Variants in PIN4 observed in about 807,000 individuals in gnomAD.
The protein encoded by PIN4 is peptidylprolyl cis/trans isomerase, NIMA-interacting 4, also known as peptidyl-prolyl cis-trans isomerase NIMA-interacting 4.
A neutral mutation model predicts 8.3 loss-of-function variants in PIN4; 3 were observed. The ratio of observed to expected loss-of-function variants is 0.36; its 90% CI spans 0.16 to 0.93. The LOEUF (loss-of-function observed/expected upper bound fraction) is 0.93, where lower values mean the gene tolerates loss of function less well. PIN4 is among the 40% of genes least tolerant of loss of function. The probability of loss-of-function intolerance (pLI) is 0.44; values close to 1 mark genes in which losing one functional copy is unlikely to be tolerated. For missense variants in PIN4, 75 were observed against 100.6 expected, an observed-to-expected ratio of 0.75 and a Z score of 1.09; for synonymous variants, 18 against 32.5, an observed-to-expected ratio of 0.55 and a Z score of 1.52.
chrX:72,211,725 A>C (rs900014331), intron 3 of PIN4, among the ~76,000 whole-genome samples: 2 of 110,668 alleles, frequency 1.8e-5, no homozygotes, highest in African/African-American at 6.6e-5. Context: ...TCTAGGCTGC[A>C]GTGAGCCATG....
intron 3 of PIN4, among the ~76,000 whole-genome samples, chrX:72,245,521 A>G (rs1202998209): frequency 9.0e-6 from 1 of 110,971 alleles, no homozygotes; most frequent in East Asian, 2.8e-4. Flanking sequence ...CTCCCACCCC[A>G]TTTCTAGCTA....
In PIN4 at chrX:72,227,396, C is replaced by T. The variant is rs746807242; in HGVS notation, c.312+30492C>T. Among the ~76,000 whole-genome samples, 2 of 112,040 alleles carry T rather than the reference C, an allele frequency of 1.8e-5. 1 individual carries two copies. Among genetic ancestry groups the T allele is most frequent in the Admixed American group, 1.9e-4 (2 of 10,548 alleles). On this transcript the variant is annotated intron_variant, in intron 3 of 3. Coordinates refer to the PIN4 transcript ENST00000423432. Reference sequence around the variant, plus strand: ...TGAATGGCATTCTAAAAACCACCCTCACCAGGTACTCACTCCAAACTCTTA... The same window carrying T: ...TGAATGGCATTCTAAAAACCACCCTTACCAGGTACTCACTCCAAACTCTTA...
At chrX:72,261,303 A>G (rs2043138956) in intron 3 of PIN4, among the ~76,000 whole-genome samples, 1 of 108,958 alleles carries the variant, frequency 9.2e-6, no homozygotes, top group African/African-American at 3.3e-5. Flanking sequence ...TCAGAAAAAA[A>G]AAAAAAAAAA....
rs1569489748 is a variant in PIN4 at position 72,206,372 on chromosome X, A to C, written c.312+9468A>C. On this transcript the variant is annotated intron_variant, in intron 3 of 3. Coordinates refer to the PIN4 transcript ENST00000423432. ...CTACCTGTACCTTTACCATCTTGCA[A>C]GGTGGTAACATTCACCTTTATACTG... 5 of 1,210,279 alleles carry C rather than the reference A, an allele frequency of 4.1e-6. No homozygotes were observed. The East Asian group carries it at 1.5e-4, about 36-fold the overall frequency.
intron 3 of PIN4, chrX:72,205,044 TAAAGTC>T (rs1485244072): frequency 5.8e-6 from 7 of 1,202,533 alleles, no homozygotes; most frequent in African/African-American, 3.5e-5. Flanking sequence ...TATACAAACT[TAAAGTC>T]AAGAGCATAA....
intron 2 of PIN4, among the ~76,000 whole-genome samples, chrX:72,196,370 C>G (rs1401964464): frequency 9.1e-6 from 1 of 110,378 alleles, no homozygotes; most frequent in Admixed American, 9.6e-5. Context: ...CCCATCTCTA[C>G]TAAAAATACA....
chrX:72,262,822 T>A lies in PIN4; in HGVS notation c.*26T>A, dbSNP rs1420822611. The A allele has an allele frequency of 6.0e-6, 5 of 826,736 alleles. No individual in the cohort carries two copies. In the East Asian group the frequency reaches 1.7e-4, roughly 28 times the overall value. 68.1% of individuals were successfully genotyped at this position (826,736 alleles called of 1,213,427 possible). ...AGTGGATTATTTTGCAGATGGCTGA[T>A]CTCATCTATTCAATGTTGATTCTAT... On this transcript the variant is annotated 3_prime_UTR_variant, in exon 4 of 4. Coordinates refer to the PIN4 transcript ENST00000423432.
At chrX:72,256,979 C>T (rs1479170174) in intron 3 of PIN4, among the ~76,000 whole-genome samples, 1 of 111,933 alleles carries the variant, frequency 8.9e-6, no homozygotes, top group Non-Finnish European at 1.9e-5. Flanking sequence ...ACATTAAGGA[C>T]TTAGACTACA....
intron 3 of PIN4, among the ~76,000 whole-genome samples, chrX:72,214,909 C>T (rs953159461): frequency 1.8e-5 from 2 of 110,243 alleles, no homozygotes; most frequent in East Asian, 2.9e-4. Flanking sequence ...ATCGCTTGAA[C>T]TCAGGAGATG....
chrX:72,239,097 C>A, intron 3 of PIN4: 1 of 432,967 alleles, frequency 2.3e-6, no homozygotes, highest in South Asian at 3.8e-5. Context: ...CGACCACGCG[C>A]TGCGACGCCT....
intron 3 of PIN4, among the ~76,000 whole-genome samples, chrX:72,247,220 A>G: frequency 8.9e-6 from 1 of 111,956 alleles, no homozygotes; most frequent in Admixed American, 9.5e-5. Flanking sequence ...CTGCCTCCAG[A>G]TGGACCTGGA....
intron 3 of PIN4, chrX:72,239,141 G>T: frequency 5.2e-6 from 2 of 386,013 alleles, no homozygotes; most frequent in Non-Finnish European, 9.2e-6. Context: ...GTGGGCGCCT[G>T]CGCCTACGCG....
intron 3 of PIN4, among the ~76,000 whole-genome samples, chrX:72,218,635 A>T (rs1358910150): frequency 1.8e-5 from 2 of 109,696 alleles, no homozygotes; most frequent in Non-Finnish European, 3.8e-5. Context: ...CTGGGATTAT[A>T]GGCGTGCACC....
At chrX:72,230,417 C>T (rs1463878219) in intron 3 of PIN4, among the ~76,000 whole-genome samples, 1 of 110,877 alleles carries the variant, frequency 9.0e-6, no homozygotes, top group Non-Finnish European at 1.9e-5. Flanking sequence ...ACCTCTCCCT[C>T]ACACAGAAAC....
At chrX:72,208,844 A>T (rs1012363821) in intron 3 of PIN4, 1 of 488,167 alleles carries the variant, frequency 2.0e-6, no homozygotes, top group South Asian at 4.2e-5. Context: ...ACAAGATGCC[A>T]ATGAAAGCTG....
intron 3 of PIN4, chrX:72,206,353 G>C: frequency 8.3e-7 from 1 of 1,210,246 alleles, no homozygotes; most frequent in Non-Finnish European, 1.1e-6. Flanking sequence ...AGCACTACCT[G>C]TACCTTTACC....
intron 3 of PIN4, among the ~76,000 whole-genome samples, chrX:72,208,996 A>G (rs1461227522): frequency 1.8e-5 from 2 of 111,679 alleles, no homozygotes; most frequent in Admixed American, 9.5e-5. Flanking sequence ...GTATGAAGTG[A>G]TATTTTTTGT....
At chrX:72,225,212 C>CT (rs2042947279) in intron 3 of PIN4, among the ~76,000 whole-genome samples, 1 of 111,747 alleles carries the variant, frequency 8.9e-6, no homozygotes, top group Non-Finnish European at 1.9e-5. Context: ...TTTTTGCTTT[C>CT]ACTTAGACCG....
chrX:72,193,177 C>T (rs2042744956), intron 2 of PIN4, among the ~76,000 whole-genome samples: 1 of 111,798 alleles, frequency 8.9e-6, no homozygotes, highest in Admixed American at 9.5e-5. Flanking sequence ...CTAGAATACT[C>T]GTTTATTCAT....
Sources: allele counts gnomAD v4.1 joint callset (sites outside exome capture counted in the v4.1 genomes callset), GRCh38; gene constraint gnomAD v4.1.1; transcripts MANE v1.5; gene names NCBI Gene and HGNC (gene_info 2026-07-23, HGNC 2026-07-21).